ABCB10: variants seen among roughly 807,000 people sequenced by gnomAD.
ABCB10 encodes the protein ATP binding cassette subfamily B member 10.
Under a neutral mutation model 65.4 loss-of-function variants are expected in ABCB10, and 54 were observed. That is an observed-to-expected ratio of 0.83 (90% CI 0.66 to 1.04). The LOEUF is 1.04. ABCB10 is among the 50% of genes least tolerant of loss of function. The probability of loss-of-function intolerance (pLI) is 0.00; values close to 1 mark genes in which losing one functional copy is unlikely to be tolerated. For synonymous variants in ABCB10, 418 were observed against 406.5 expected (o/e 1.03, Z -0.34); for missense variants, 846 against 976.6 (o/e 0.87, Z 1.78).
At chr1:229,536,155 A>G (rs1662717803) in intron 6 of ABCB10, among the ~76,000 whole-genome samples, 1 of 152,150 alleles carries the variant, frequency 6.6e-6, no homozygotes, top group South Asian at 2.1e-4. Context: ...AACTACTTTG[A>G]AAATGGTATT....
rs1399913633 is a variant in ABCB10, at chr1:229,558,682, C to A, written c.-30G>T. 7.9e-7 allele frequency: 1 copy of A among 1,266,718 alleles called. No individual in the cohort carries two copies. The highest frequency in any genetic ancestry group is 2.5e-5 in the South Asian group (1 of 40,582). 78.5% of individuals were successfully genotyped at this position (1,266,718 alleles called of 1,614,324 possible). On this transcript the variant is annotated 5_prime_UTR_variant, in exon 1 of 13. Coordinates refer to ENST00000344517, the MANE Select transcript of ABCB10 (RefSeq NM_012089.3). ...CTGCGTGCGACCCGTACGCCTCAGC[C>A]CGCCGGCCAGGCGCGCGCAAAGCCC...
intron 6 of ABCB10, among the ~76,000 whole-genome samples, chr1:229,533,905 C>A (rs1260839823): frequency 1.3e-5 from 2 of 152,072 alleles, no homozygotes; most frequent in South Asian, 4.1e-4. Context: ...ACCAAAGGTA[C>A]AATCCATGAA....
rs149964112 is a variant in ABCB10 at position 229,518,056 on chromosome 1, GA to G, written c.*122del. 4 of 707,652 alleles carry G rather than the reference GA, an allele frequency of 5.7e-6. No individual in the cohort carries two copies. Among genetic ancestry groups the G allele is most frequent in the South Asian group, 3.9e-5 (2 of 51,256 alleles). The allele number at this position is 707,652 out of a possible 1,614,324, so 43.8% of individuals were successfully genotyped here. The stretch of plus-strand genomic sequence containing the variant: ...TCAAAACAATCTTTTACACACTTTG[GA>G]AAAAAATAGGTATTTTTCAAATAAC... On this transcript the variant is annotated 3_prime_UTR_variant, in exon 13 of 13. Coordinates refer to ENST00000344517, the MANE Select transcript of ABCB10 (RefSeq NM_012089.3).
At chr1:229,539,388 GTTTCTCTTTCAGA>G in intron 6 of ABCB10, 55 bp downstream of exon 6, 1 of 1,568,992 alleles carries the variant, frequency 6.4e-7, no homozygotes, top group Non-Finnish European at 8.7e-7. Flanking sequence ...TGAAAGTTCA[GTTTCTCTTTCAGA>G]AATGATGCTC....
chr1:229,526,138 T>C, intron 9 of ABCB10, 22 bp from the exon 10 acceptor site: 2 of 1,597,180 alleles, frequency 1.3e-6, no homozygotes, highest in Non-Finnish European at 1.7e-6. Context: ...AAATAAAACA[T>C]ATCACGAATT....
At chr1:229,531,946 A>G (rs1317752672) in intron 6 of ABCB10, 1 of 219,732 alleles carries the variant, frequency 4.6e-6, no homozygotes, top group South Asian at 1.0e-4. Context: ...CCAGTTTCAT[A>G]GTTTTTTTTT....
chr1:229,523,409 A>T (rs895288687), intron 10 of ABCB10, among the ~76,000 whole-genome samples: 2 of 152,238 alleles, frequency 1.3e-5, no homozygotes, highest in Admixed American at 1.3e-4. Context: ...ACTTATCAAC[A>T]GTAGTTGCTG....
In ABCB10 at chr1:229,558,118, G is replaced by A; in HGVS notation, c.517+18C>T. 1 of 1,363,564 alleles carries A rather than the reference G, an allele frequency of 7.3e-7. No homozygotes were observed. Among genetic ancestry groups the A allele is most frequent in the Non-Finnish European group, 9.4e-7 (1 of 1,059,938 alleles). 84.5% of individuals were successfully genotyped at this position (1,363,564 alleles called of 1,614,324 possible). A position where few individuals can be genotyped will look rare whatever the true frequency, so the allele number is the denominator to read the frequency against. On this transcript the variant is annotated intron_variant, in intron 1 of 12. Transcript: ENST00000344517. ...AAGGAGAGGCCCGGCGGAGGGAAGTGGCCGGGGAGGACCCTACCTGCCAGC... is the reference window on the plus strand; with the variant it reads ...AAGGAGAGGCCCGGCGGAGGGAAGTAGCCGGGGAGGACCCTACCTGCCAGC...
intron 3 of ABCB10, among the ~76,000 whole-genome samples, chr1:229,546,219 A>C (rs1364402779): frequency 6.6e-6 from 1 of 152,008 alleles, no homozygotes; most frequent in Non-Finnish European, 1.5e-5. Context: ...CCACTTAATA[A>C]ATAATAAATA....
chr1:229,525,243 T>C (rs1364116743), intron 10 of ABCB10, among the ~76,000 whole-genome samples: 2 of 152,180 alleles, frequency 1.3e-5, no homozygotes, highest in African/African-American at 4.8e-5. Context: ...TTCTTTCAAT[T>C]TCAGCTTTGT....
At chr1:229,529,295 CAAAAAAA>C (rs59264291) in intron 8 of ABCB10, among the ~76,000 whole-genome samples, 2 of 23,116 alleles carry the variant, frequency 8.7e-5, no homozygotes, top group Non-Finnish European at 1.5e-4. Flanking sequence ...GACTCCGTCT[CAAAAAAA>C]AAAAAAAAAA....
At position 229,558,230 on chromosome 1, in the gene ABCB10, G is replaced by C. The variant is rs754826563; in HGVS notation, c.423C>G (p.Pro141=). Residue 141 remains proline (P), a synonymous_variant, in exon 1 of 13, where the codon CCC becomes CCG. Transcript: ENST00000344517. ...EAWRRGPAAP[P]GDKGRLRPAA... ...CGGGGCGCAGCCGCCCCTTGTCCCC[G>C]GGAGGCGCCGCCGGCCCGCGCCGCC... 40 of 1,361,466 alleles carry C rather than the reference G, an allele frequency of 2.9e-5. 1 individual carries two copies. In the South Asian group the frequency reaches 4.8e-4, roughly 16 times the overall value. 84.3% of individuals were successfully genotyped at this position (1,361,466 alleles called of 1,614,324 possible).
intron 3 of ABCB10, among the ~76,000 whole-genome samples, chr1:229,546,136 C>T (rs1662959043): frequency 6.8e-6 from 1 of 147,394 alleles, no homozygotes; most frequent in African/African-American, 2.5e-5. Flanking sequence ...CGTGCCATTG[C>T]ACTTCAGCCC....
rs975055043 is a variant in ABCB10 at position 229,526,266 on chromosome 1, G to T, written c.1726-150C>A. On this transcript the variant is annotated intron_variant, in intron 9 of 12. Coordinates refer to ENST00000344517, the MANE Select transcript of ABCB10 (RefSeq NM_012089.3). Reference sequence around the variant, plus strand: ...GTTCTCACCATGCTGCAAGCAATGAGACCTCACAGCAGGTGCCCGCAAGGC... The same window carrying T: ...GTTCTCACCATGCTGCAAGCAATGATACCTCACAGCAGGTGCCCGCAAGGC... The T allele has an allele frequency of 3.1e-5, 26 of 839,162 alleles. No homozygotes were observed. The African/African-American group carries it at 3.8e-4, about 12-fold the overall frequency. 52.0% of individuals were successfully genotyped at this position (839,162 alleles called of 1,614,324 possible). A position where few individuals can be genotyped will look rare whatever the true frequency, so the allele number is the denominator to read the frequency against.
intron 10 of ABCB10, among the ~76,000 whole-genome samples, chr1:229,523,176 G>T (rs1662357332): frequency 6.6e-6 from 1 of 152,196 alleles, no homozygotes; most frequent in Non-Finnish European, 1.5e-5. Flanking sequence ...CTGGAAGTAG[G>T]TGTGGGAGAA....
intron 3 of ABCB10, 41 bp downstream of exon 3, chr1:229,547,458 G>T (rs1430048030): frequency 6.2e-7 from 1 of 1,606,790 alleles, no homozygotes; most frequent in East Asian, 2.2e-5. Context: ...TGCAAGCCAA[G>T]CCCTGGCAGG....
At chr1:229,519,028 C>T (rs1361722470) in intron 11 of ABCB10, 153 bp from the exon 12 acceptor site, 3 of 589,850 alleles carry the variant, frequency 5.1e-6, no homozygotes, top group Non-Finnish European at 8.8e-6. Flanking sequence ...CACAAAGAAT[C>T]ACATACTGTA....
intron 3 of ABCB10, among the ~76,000 whole-genome samples, chr1:229,544,416 CAAAAAAAA>C (rs35004821): frequency 2.5e-4 from 15 of 60,996 alleles, no homozygotes; most frequent in East Asian, 1.0e-3. Context: ...GACCTTCTCT[CAAAAAAAA>C]AAAAAAAAAA....
At chr1:229,521,513 A>G in intron 11 of ABCB10, 79 bp downstream of exon 11, 1 of 1,491,092 alleles carries the variant, frequency 6.7e-7, no homozygotes, top group Non-Finnish European at 9.1e-7. Context: ...GAAGAAGACA[A>G]ATAGTAAATT....
Sources: allele counts gnomAD v4.1 joint callset (sites outside exome capture counted in the v4.1 genomes callset), GRCh38; gene constraint gnomAD v4.1.1; transcripts MANE v1.5; gene names NCBI Gene and HGNC (gene_info 2026-07-23, HGNC 2026-07-21).